SLC24A3: variants seen among roughly 807,000 people sequenced by gnomAD.
The protein encoded by SLC24A3 is sodium/potassium/calcium exchanger 3.
In SLC24A3, 28 loss-of-function variants were observed where a neutral mutation model predicts 75.8. That is an observed-to-expected ratio of 0.37 (90% CI 0.27 to 0.51). SLC24A3 has a LOEUF of 0.51. Ranked by LOEUF, SLC24A3 falls within the 20% of genes least tolerant of loss-of-function variation. The pLI, the probability that SLC24A3 is intolerant of heterozygous loss-of-function variation, is 0.94. For synonymous variants in SLC24A3, 372 were observed against 334.1 expected (o/e 1.11, Z -1.24); for missense variants, 663 against 847.8 (o/e 0.78, Z 2.71).
chr20:19,698,691 T>C lies in SLC24A3; in HGVS notation c.1719+11T>C. On this transcript the variant is annotated intron_variant, in intron 15 of 16. Transcript: ENST00000328041. ...GATTACGGATCCTACGTAAGTGGTT[T>C]TCTCCAGGACTTCTCCTGAAATCCA... is the stretch of plus-strand genomic sequence containing the variant. 6.4e-7 allele frequency: 1 copy of C among 1,558,278 alleles called. No individual in the cohort carries two copies. The highest frequency in any genetic ancestry group is 8.7e-7 in the Non-Finnish European group (1 of 1,147,264).
At chr20:19,700,802 C>T (rs1048680958) in intron 15 of SLC24A3, among the ~76,000 whole-genome samples, 1 of 152,192 alleles carries the variant, frequency 6.6e-6, no homozygotes, top group African/African-American at 2.4e-5. Context: ...CCAAAGTGTA[C>T]TTAATCATGC....
At position 19,305,252 on chromosome 20, in the gene SLC24A3, G is replaced by C. The variant is rs533935149; in HGVS notation, c.271+24165G>C. On this transcript the variant is annotated intron_variant, in intron 2 of 16. Coordinates refer to ENST00000328041, the MANE Select transcript of SLC24A3 (RefSeq NM_020689.4). ...GCCTCTTTCATGAGGAAATGTGGGA[G>C]GATGGTTGCTTCCTGTGTAATTCTG... Among the ~76,000 whole-genome samples the C allele has an allele frequency of 1.1e-4, 16 of 152,270 alleles. No homozygotes were observed. In the East Asian group the frequency reaches 2.5e-3, roughly 24 times the overall value.
intron 2 of SLC24A3, among the ~76,000 whole-genome samples, chr20:19,303,922 A>G (rs781343941): frequency 2.0e-5 from 3 of 152,154 alleles, no homozygotes; most frequent in Non-Finnish European, 4.4e-5. Flanking sequence ...TGAGCAATAG[A>G]CAGGTCAAGT....
intron 6 of SLC24A3, among the ~76,000 whole-genome samples, chr20:19,590,863 G>C (rs776502984): frequency 1.8e-4 from 28 of 152,192 alleles, no homozygotes; most frequent in Non-Finnish European, 3.1e-4. Flanking sequence ...CCATCTGCAG[G>C]CTCAGCTCTC....
chr20:19,398,742 C>A (rs546591035), intron 2 of SLC24A3, among the ~76,000 whole-genome samples: 1 of 152,230 alleles, frequency 6.6e-6, no homozygotes, highest in Non-Finnish European at 1.5e-5. Flanking sequence ...GAGTAGCTAT[C>A]CTTGTTTTGC....
At chr20:19,414,905 A>G (rs1986802671) in intron 2 of SLC24A3, among the ~76,000 whole-genome samples, 1 of 152,226 alleles carries the variant, frequency 6.6e-6, no homozygotes, top group South Asian at 2.1e-4. Flanking sequence ...ATAATGTTCA[A>G]CCAAAATAAA....
intron 3 of SLC24A3, among the ~76,000 whole-genome samples, chr20:19,540,413 C>T (rs1309370117): frequency 6.6e-6 from 1 of 152,226 alleles, no homozygotes; most frequent in African/African-American, 2.4e-5. Flanking sequence ...CCCTGAAGCC[C>T]TCCACACAAG....
At chr20:19,395,404 A>G (rs1252349232) in intron 2 of SLC24A3, among the ~76,000 whole-genome samples, 1 of 152,220 alleles carries the variant, frequency 6.6e-6, no homozygotes, top group Non-Finnish European at 1.5e-5. Flanking sequence ...GAACTGACCA[A>G]TGTTAACATT....
chr20:19,664,966 T>C (rs1262267755), intron 7 of SLC24A3, among the ~76,000 whole-genome samples: 1 of 152,234 alleles, frequency 6.6e-6, no homozygotes, highest in Non-Finnish European at 1.5e-5. Flanking sequence ...AAATTACTTA[T>C]GTTCTCTGTG....
intron 6 of SLC24A3, among the ~76,000 whole-genome samples, chr20:19,622,956 G>A (rs937277714): frequency 6.6e-6 from 1 of 152,122 alleles, no homozygotes; most frequent in Non-Finnish European, 1.5e-5. Context: ...CAGCTCTCGT[G>A]TGAACTAATA....
chr20:19,696,015 C>CTTTTTTTTTTTTTTTTTTTTTT (rs778046824), intron 13 of SLC24A3, among the ~76,000 whole-genome samples: 17 of 108,074 alleles, frequency 1.6e-4, no homozygotes, highest in Admixed American at 2.3e-4. Context: ...TTTTCCTTTT[C>CTTTTTTTTTTTTTTTTTTTTTT]TTTTTTTTTT....
intron 6 of SLC24A3, among the ~76,000 whole-genome samples, chr20:19,630,816 A>G (rs1457205039): frequency 6.6e-6 from 1 of 152,230 alleles, no homozygotes; most frequent in Non-Finnish European, 1.5e-5. Flanking sequence ...GGCCAGGATG[A>G]AAACATACCC....
intron 6 of SLC24A3, among the ~76,000 whole-genome samples, chr20:19,634,195 A>C (rs776925473): frequency 6.6e-6 from 1 of 152,164 alleles, no homozygotes; most frequent in African/African-American, 2.4e-5. Flanking sequence ...GAAGCTGCCT[A>C]TCTCTTTGAA....
chr20:19,633,926 C>T (rs866634460), intron 6 of SLC24A3, among the ~76,000 whole-genome samples: 1 of 152,114 alleles, frequency 6.6e-6, no homozygotes, highest in South Asian at 2.1e-4. Flanking sequence ...CATAAATATT[C>T]AATAAAATGC....
chr20:19,322,934 C>T (rs982433206), intron 2 of SLC24A3, among the ~76,000 whole-genome samples: 4 of 152,128 alleles, frequency 2.6e-5, no homozygotes, highest in South Asian at 2.1e-4. Flanking sequence ...AGGCCGGGCG[C>T]GGTGGCTCAC....
chr20:19,381,421 G>A (rs764610778), intron 2 of SLC24A3, among the ~76,000 whole-genome samples: 1 of 152,192 alleles, frequency 6.6e-6, no homozygotes, highest in African/African-American at 2.4e-5. Context: ...GATCTGGGAG[G>A]CCCTCTTTGA....
At chr20:19,222,785 C>CTTCCTTCCTTCCTTCG (rs1796864787) in intron 1 of SLC24A3, among the ~76,000 whole-genome samples, 5 of 125,420 alleles carry the variant, frequency 4.0e-5, no homozygotes, top group African/African-American at 1.3e-4. Flanking sequence ...CCCTCCCTCC[C>CTTCCTTCCTTCCTTCG]TTCCTTCCTT....
Position 19,721,288 on chromosome 20 carries a change from G to T in SLC24A3, c.*148G>T. 5 of 981,282 alleles carry T rather than the reference G, an allele frequency of 5.1e-6. No homozygotes were observed. The highest frequency in any genetic ancestry group is 7.4e-6 in the Non-Finnish European group (5 of 676,672). The allele number at this position is 981,282 out of a possible 1,614,324, so 60.8% of individuals were successfully genotyped here. On this transcript the variant is annotated 3_prime_UTR_variant, in exon 17 of 17. Transcript: ENST00000328041. The stretch of plus-strand genomic sequence containing the variant: ...CTCCGCTCCTGTTTTGGTGGCCCAG[G>T]CTCTCCCCTGACCCATCCTCGCTCC...
At chr20:19,388,312 A>G (rs1450819127) in intron 2 of SLC24A3, among the ~76,000 whole-genome samples, 1 of 152,188 alleles carries the variant, frequency 6.6e-6, no homozygotes, top group African/African-American at 2.4e-5. Context: ...AAATTGCTGT[A>G]TCTTCTTCAT....
Sources: allele counts gnomAD v4.1 joint callset (sites outside exome capture counted in the v4.1 genomes callset), GRCh38; gene constraint gnomAD v4.1.1; transcripts MANE v1.5; gene names NCBI Gene and HGNC (gene_info 2026-07-23, HGNC 2026-07-21).